The following BMPR1B variants were observed in gnomAD, a reference collection of about 807,000 sequenced individuals.
BMPR1B encodes bone morphogenetic protein receptor type 1B, also known as bone morphogenetic protein receptor type-1B.
A neutral mutation model predicts 59.1 loss-of-function variants in BMPR1B; 12 were observed. The observed-to-expected ratio is 0.20, with a 90% CI of 0.13 to 0.33. The LOEUF (loss-of-function observed/expected upper bound fraction) is 0.33. Among genes scored for constraint, BMPR1B ranks in the 10% least tolerant of loss-of-function variants. BMPR1B has a pLI of 1.00. For synonymous variants in BMPR1B, 237 were observed against 207.3 expected, an observed-to-expected ratio of 1.14 and a Z score of -1.23; for missense variants, 550 against 610.9, an observed-to-expected ratio of 0.90 and a Z score of 1.05.
At chr4:95,014,341 G>A (rs932823574) in intron 3 of BMPR1B, among the ~76,000 whole-genome samples, 2 of 152,216 alleles carry the variant, frequency 1.3e-5, no homozygotes, top group African/African-American at 2.4e-5. Flanking sequence ...CTGAAGAATT[G>A]TAGATTCAAA....
At chr4:94,927,278 A>G (rs993971011) in intron 2 of BMPR1B, among the ~76,000 whole-genome samples, 1 of 152,162 alleles carries the variant, frequency 6.6e-6, no homozygotes, top group Non-Finnish European at 1.5e-5. Flanking sequence ...AGGCTCCTCT[A>G]GATGAGAAAT....
At chr4:95,037,719 G>T (rs1288201117) in intron 3 of BMPR1B, among the ~76,000 whole-genome samples, 1 of 152,168 alleles carries the variant, frequency 6.6e-6, no homozygotes, top group Non-Finnish European at 1.5e-5. Flanking sequence ...GGCAAGCCAG[G>T]ATTTGGAAGA....
intron 1 of BMPR1B, among the ~76,000 whole-genome samples, chr4:94,871,949 T>G (rs1290821420): frequency 6.6e-6 from 1 of 152,242 alleles, no homozygotes; most frequent in Admixed American, 6.5e-5. Context: ...GTAACACTTT[T>G]CTGTAATTTA....
At chr4:94,771,164 G>A (rs7694754) in intron 1 of BMPR1B, among the ~76,000 whole-genome samples, 132,434 of 152,164 alleles carry the variant, frequency 0.87, 57,920 homozygotes, top group African/African-American at 0.96. Context: ...GAGAGGCTAC[G>A]GTGGTTTTCT....
chr4:95,012,559 C>T (rs1723298599), intron 3 of BMPR1B, among the ~76,000 whole-genome samples: 1 of 152,008 alleles, frequency 6.6e-6, no homozygotes, highest in Non-Finnish European at 1.5e-5. Context: ...CCTTTGTGTA[C>T]TTTGATGTAA....
At chr4:94,975,129 G>A (rs1234616295) in intron 2 of BMPR1B, among the ~76,000 whole-genome samples, 1 of 152,058 alleles carries the variant, frequency 6.6e-6, no homozygotes, top group Non-Finnish European at 1.5e-5. Context: ...TCAGGATGTG[G>A]GCTTTGGTGG....
At chr4:95,125,230 T>G in intron 8 of BMPR1B, 109 bp downstream of exon 8, 255 of 1,399,904 alleles carry the variant, frequency 1.8e-4, no homozygotes, top group Non-Finnish European at 2.3e-4. Context: ...GAGAAAGCTC[T>G]ATGCAGTCTG....
chr4:95,044,891 G>A (rs1725925674), intron 3 of BMPR1B, among the ~76,000 whole-genome samples: 1 of 152,054 alleles, frequency 6.6e-6, no homozygotes, highest in Admixed American at 6.5e-5. Flanking sequence ...TTCTCATAGT[G>A]GAGTAGTTTT....
intron 2 of BMPR1B, among the ~76,000 whole-genome samples, chr4:94,928,264 G>A (rs1216803536): frequency 1.3e-5 from 2 of 151,520 alleles, no homozygotes; most frequent in African/African-American, 4.9e-5. Flanking sequence ...TTGGACTCAA[G>A]AGATACTCCT....
chr4:94,905,312 G>T (rs1727993974), intron 2 of BMPR1B, among the ~76,000 whole-genome samples: 1 of 151,940 alleles, frequency 6.6e-6, no homozygotes, highest in Admixed American at 6.6e-5. Context: ...ATTTTATCTA[G>T]AACATGTAGA....
intron 1 of BMPR1B, among the ~76,000 whole-genome samples, chr4:94,845,389 C>G (rs892916263): frequency 4.0e-5 from 6 of 149,810 alleles, no homozygotes; most frequent in Admixed American, 6.7e-5. Context: ...GTCGCCCAGG[C>G]TGGAGTGCAG....
intron 3 of BMPR1B, among the ~76,000 whole-genome samples, chr4:95,021,242 A>G (rs1723958927): frequency 1.3e-5 from 2 of 152,216 alleles, no homozygotes; most frequent in Non-Finnish European, 2.9e-5. Context: ...ATTTATATTC[A>G]ACATGGAAGA....
At chr4:94,769,627 G>A (rs6532507) in intron 1 of BMPR1B, among the ~76,000 whole-genome samples, 43,748 of 148,236 alleles carry the variant, frequency 0.3, 6,680 homozygotes, top group African/African-American at 0.36. Flanking sequence ...AAAAAAAATT[G>A]ACAGATGATA....
At chr4:95,087,252 T>G (rs1729654804) in intron 3 of BMPR1B, among the ~76,000 whole-genome samples, 1 of 152,132 alleles carries the variant, frequency 6.6e-6, no homozygotes, top group East Asian at 1.9e-4. Context: ...GGTCACGAAC[T>G]TTGTCTCATA....
At chr4:94,773,328 T>G (rs1458331255) in intron 1 of BMPR1B, among the ~76,000 whole-genome samples, 3 of 152,104 alleles carry the variant, frequency 2.0e-5, no homozygotes, top group African/African-American at 2.4e-5. Flanking sequence ...TTTGTATCTT[T>G]TTTCTTCTGG....
intron 2 of BMPR1B, among the ~76,000 whole-genome samples, chr4:94,973,731 A>G (rs1730901736): frequency 6.6e-6 from 1 of 152,106 alleles, no homozygotes; most frequent in Admixed American, 6.5e-5. Flanking sequence ...TCTGCCTAGA[A>G]TTTCTCTGCC....
chr4:94,981,258 C>T (rs533705357), intron 2 of BMPR1B, among the ~76,000 whole-genome samples: 1 of 151,402 alleles, frequency 6.6e-6, no homozygotes, highest in South Asian at 2.1e-4. Context: ...GTTTGGAGTG[C>T]AGTGGCGCAA....
At chr4:94,930,527 A>G (rs1187905430) in intron 2 of BMPR1B, among the ~76,000 whole-genome samples, 1 of 152,146 alleles carries the variant, frequency 6.6e-6, no homozygotes, top group Non-Finnish European at 1.5e-5. Context: ...TTTTCTGTGT[A>G]TACTTAACTA....
chr4:94,770,196 T>TTTTTTC (rs1337765201), intron 1 of BMPR1B, among the ~76,000 whole-genome samples: 1 of 147,686 alleles, frequency 6.8e-6, no homozygotes, highest in Non-Finnish European at 1.5e-5. Flanking sequence ...GTTTTTTTTT[T>TTTTTTC]TTTTTTTTGC....
Sources: gnomAD v4.1 joint callset for allele counts (sites outside exome capture counted in the v4.1 genomes callset) on GRCh38, gnomAD v4.1.1 for gene constraint, MANE v1.5 for transcripts, NCBI Gene and HGNC (gene_info 2026-07-23, HGNC 2026-07-21) for gene names.